Variants in FLRT2 observed in about 807,000 individuals in gnomAD.
The protein encoded by FLRT2 is leucine-rich repeat transmembrane protein FLRT2.
FLRT2 carries 15 observed loss-of-function variants against 40.0 expected under a neutral mutation model. The ratio of observed to expected loss-of-function variants is 0.38; its 90% confidence interval spans 0.25 to 0.58. The LOEUF is 0.58. Among genes scored for constraint, FLRT2 ranks in the 20% least tolerant of loss-of-function variants. The pLI is 0.71. For missense variants in FLRT2, 726 were observed against 840.0 expected (o/e 0.86, Z 1.68); for synonymous variants, 380 against 336.8 (o/e 1.13, Z -1.41).
intron 1 of FLRT2, among the ~76,000 whole-genome samples, chr14:85,555,608 G>A (rs1357515059): frequency 2.0e-5 from 3 of 151,542 alleles, no homozygotes; most frequent in Non-Finnish European, 4.4e-5. Context: ...AATTATAGGA[G>A]CTACAATTCA....
At chr14:85,605,628 G>T (rs923522659) in intron 1 of FLRT2, among the ~76,000 whole-genome samples, 2 of 152,024 alleles carry the variant, frequency 1.3e-5, no homozygotes, top group African/African-American at 4.8e-5. Flanking sequence ...AAATTAGCTG[G>T]GCGTGGTGGC....
intron 1 of FLRT2, among the ~76,000 whole-genome samples, chr14:85,592,058 A>G (rs1165667953): frequency 6.6e-6 from 1 of 152,236 alleles, no homozygotes; most frequent in Non-Finnish European, 1.5e-5. Flanking sequence ...TAAAAGTGTC[A>G]CATTAAATAC....
In FLRT2 at chr14:85,644,101, G is replaced by A. The variant is rs1234031023; in HGVS notation, c.*20604G>A. The A allele has an allele frequency of 6.6e-6, 1 of 152,020 alleles. No homozygotes were observed. The highest frequency in any genetic ancestry group is 1.5e-5 in the Non-Finnish European group (1 of 68,020). 9.4% of individuals were successfully genotyped at this position (152,020 alleles called of 1,614,324 possible). On this transcript the variant is annotated 3_prime_UTR_variant, in exon 2 of 2. Transcript: ENST00000330753. ...CTCACACAATTCCCAGATTCAAGGTGCAGCAGTGGATATTTCTAAGACGTC... is the reference window on the plus strand; with the variant it reads ...CTCACACAATTCCCAGATTCAAGGTACAGCAGTGGATATTTCTAAGACGTC...
chr14:85,591,405 A>G (rs1380444037), intron 1 of FLRT2, among the ~76,000 whole-genome samples: 1 of 152,174 alleles, frequency 6.6e-6, no homozygotes, highest in Non-Finnish European at 1.5e-5. Context: ...TAGTGACTGG[A>G]TGTTGGTATC....
intron 1 of FLRT2, among the ~76,000 whole-genome samples, chr14:85,577,492 T>C (rs914523223): frequency 6.6e-6 from 1 of 152,156 alleles, no homozygotes; most frequent in African/African-American, 2.4e-5. Context: ...CATGCTCCCT[T>C]TCAAGACTCT....
In FLRT2 at chr14:85,629,848, A is replaced by G. The variant is rs1160221795; in HGVS notation, c.*6351A>G. 1.3e-5 allele frequency: 2 copies of G among 152,200 alleles called. No homozygotes were observed. The highest frequency in any genetic ancestry group is 6.5e-5 in the Admixed American group (1 of 15,272). The allele number at this position is 152,200 out of a possible 1,614,324, so 9.4% of individuals were successfully genotyped here. On this transcript the variant is annotated 3_prime_UTR_variant, in exon 2 of 2. Coordinates refer to ENST00000330753, the MANE Select transcript of FLRT2 (RefSeq NM_013231.6). ...TTCTTGTCTTTTAAAGCCCTTGGTC[A>G]TCCATTCCTATTTTTTATAAAAATT... is the stretch of plus-strand genomic sequence containing the variant.
chr14:85,568,414 T>C (rs1200691872), intron 1 of FLRT2, among the ~76,000 whole-genome samples: 4 of 152,160 alleles, frequency 2.6e-5, no homozygotes, highest in African/African-American at 4.8e-5. Flanking sequence ...AAGGACCATG[T>C]GTAAGGCGTT....
intron 1 of FLRT2, among the ~76,000 whole-genome samples, chr14:85,592,799 A>G (rs200189067): frequency 4.0e-5 from 4 of 100,402 alleles, no homozygotes; most frequent in African/African-American, 7.7e-5. Flanking sequence ...CAAAAAAAAA[A>G]AAAAAAAAGA....
Position 85,621,468 on chromosome 14 carries a change from CT to C in FLRT2, c.-42del. On this transcript the variant is annotated 5_prime_UTR_variant, in exon 2 of 2. Transcript: ENST00000330753. ...TGATTTTGCTGTTTATTTTTTTTTT[CT>C]TTTTCTTTTTCCCACCACATTGTAT... 6.8e-7 allele frequency: 1 copy of C among 1,460,644 alleles called. No individual in the cohort carries two copies. Among genetic ancestry groups the C allele is most frequent in the South Asian group, 1.4e-5 (1 of 73,390 alleles). 90.5% of individuals were successfully genotyped at this position (1,460,644 alleles called of 1,614,324 possible).
chr14:85,575,831 A>T (rs1439765523), intron 1 of FLRT2, among the ~76,000 whole-genome samples: 1 of 152,158 alleles, frequency 6.6e-6, no homozygotes, highest in African/African-American at 2.4e-5. Context: ...TGTGTGTCAA[A>T]TATTCATCTG....
intron 1 of FLRT2, among the ~76,000 whole-genome samples, chr14:85,617,391 TATTATC>T (rs1479004417): frequency 1.3e-5 from 2 of 152,150 alleles, no homozygotes; most frequent in African/African-American, 4.8e-5. Context: ...TAGGAACTAT[TATTATC>T]ATTTTTCAGA....
In FLRT2 at chr14:85,624,524, T is replaced by C. The variant is rs1297962165; in HGVS notation, c.*1027T>C. 1.8e-5 allele frequency: 3 copies of C among 167,070 alleles called. No homozygotes were observed. The highest frequency in any genetic ancestry group is 7.2e-5 in the African/African-American group (3 of 41,472). The allele number at this position is 167,070 out of a possible 1,614,324, so 10.3% of individuals were successfully genotyped here. ...TGACTTATTTAAAAATTACCCTTCC[T>C]GCTATTTAGACAAAAACAACTGATC... On this transcript the variant is annotated 3_prime_UTR_variant, in exon 2 of 2. Coordinates refer to ENST00000330753, the MANE Select transcript of FLRT2 (RefSeq NM_013231.6).
chr14:85,637,093 A>C lies in FLRT2; in HGVS notation c.*13596A>C, dbSNP rs2139393053. The C allele has an allele frequency of 6.6e-6, 1 of 152,326 alleles. No homozygotes were observed. 9.4% of individuals were successfully genotyped at this position (152,326 alleles called of 1,614,324 possible). A position where few individuals can be genotyped will look rare whatever the true frequency, so the allele number is the denominator to read the frequency against. On this transcript the variant is annotated 3_prime_UTR_variant, in exon 2 of 2. Coordinates refer to ENST00000330753, the MANE Select transcript of FLRT2 (RefSeq NM_013231.6). Reference sequence around the variant, plus strand: ...GAAAAACTAGCAACATGTTTTGTGGAGATAAATGTAAACACATTTTACACA... The same window carrying C: ...GAAAAACTAGCAACATGTTTTGTGGCGATAAATGTAAACACATTTTACACA...
chr14:85,567,634 C>CTTTTTTTTTTTT lies in FLRT2; in HGVS notation c.-377+37100_-377+37101insTTTTTTTTTTTT, dbSNP rs1566732052. Among the ~76,000 whole-genome samples the CTTTTTTTTTTTT allele has an allele frequency of 3.2e-5, 4 of 126,108 alleles. 1 individual carries two copies. Among genetic ancestry groups the CTTTTTTTTTTTT allele is most frequent in the African/African-American group, 5.9e-5 (2 of 33,968 alleles). The allele number at this position is 126,108 out of a possible 152,430, so 82.7% of individuals were successfully genotyped here. A position where few individuals can be genotyped will look rare whatever the true frequency, so the allele number is the denominator to read the frequency against. On this transcript the variant is annotated intron_variant, in intron 1 of 1. Coordinates refer to ENST00000330753, the MANE Select transcript of FLRT2 (RefSeq NM_013231.6). ...GGCCTAGCACACGGGAAGTGACTTA[C>CTTTTTTTTTTTT]ATTTTTTTTTTTTTTTTTTTTTTTG...
chr14:85,581,469 A>T (rs547563645), intron 1 of FLRT2, among the ~76,000 whole-genome samples: 1 of 152,278 alleles, frequency 6.6e-6, no homozygotes, highest in East Asian at 1.9e-4. Context: ...GAAAACTACC[A>T]CATCTCCACT....
chr14:85,564,381 CAAATGAATCGTCT>C (rs999117367), intron 1 of FLRT2, among the ~76,000 whole-genome samples: 2 of 152,076 alleles, frequency 1.3e-5, no homozygotes, highest in Admixed American at 6.5e-5. Context: ...CATTTTAGTA[CAAATGAATCGTCT>C]TAGAGAAATA....
chr14:85,562,469 C>T (rs1303593684), intron 1 of FLRT2, among the ~76,000 whole-genome samples: 3 of 152,130 alleles, frequency 2.0e-5, no homozygotes, highest in African/African-American at 7.2e-5. Context: ...AACTCAGTCT[C>T]CTCCTCTGAG....
At chr14:85,613,765 A>G (rs766081689) in intron 1 of FLRT2, among the ~76,000 whole-genome samples, 4 of 152,212 alleles carry the variant, frequency 2.6e-5, no homozygotes, top group Admixed American at 6.5e-5. Flanking sequence ...GACAGAGGTT[A>G]GGAGCAGGCC....
chr14:85,536,635 TG>T (rs1418251365), intron 1 of FLRT2, among the ~76,000 whole-genome samples: 5 of 93,626 alleles, frequency 5.3e-5, no homozygotes, highest in Admixed American at 1.2e-4. Flanking sequence ...TGAATACTCA[TG>T]GTTTTTTTTT....
Sources: allele counts gnomAD v4.1 joint callset (sites outside exome capture counted in the v4.1 genomes callset), GRCh38; gene constraint gnomAD v4.1.1; transcripts MANE v1.5; gene names NCBI Gene and HGNC (gene_info 2026-07-23, HGNC 2026-07-21).